Variants in VWA3B observed in about 807,000 individuals in gnomAD.
VWA3B encodes von Willebrand factor A domain containing 3B.
VWA3B carries 138 observed loss-of-function variants against 158.3 expected under a neutral mutation model. That is an observed-to-expected ratio of 0.87 (90% CI 0.76 to 1.00). VWA3B has a LOEUF of 1.00. Ranked by LOEUF, VWA3B falls within the 50% of genes least tolerant of loss-of-function variation. VWA3B has a pLI of 0.00. For synonymous variants in VWA3B, 596 were observed against 587.3 expected (o/e 1.01, Z -0.21); for missense variants, 1,555 against 1,565.1 (o/e 0.99, Z 0.11).
chr2:98,218,230 C>T (rs1443851516), intron 14 of VWA3B, among the ~76,000 whole-genome samples: 1 of 152,172 alleles, frequency 6.6e-6, no homozygotes, highest in East Asian at 1.9e-4. Context: ...TGAGCAGATT[C>T]CTGCATCCCA....
At chr2:98,277,142 A>G (rs1688575364) in intron 22 of VWA3B, among the ~76,000 whole-genome samples, 1 of 152,192 alleles carries the variant, frequency 6.6e-6, no homozygotes, top group South Asian at 2.1e-4. Context: ...GTTTCCACCT[A>G]TGTCCATAAT....
intron 8 of VWA3B, among the ~76,000 whole-genome samples, chr2:98,169,715 C>CTGTG (rs61535424): frequency 0.037 from 5,003 of 134,286 alleles, 119 homozygotes; most frequent in East Asian, 0.082. Context: ...CCTGGGCATT[C>CTGTG]TGTGTGTGTG....
chr2:98,290,441 C>A (rs1689417520), intron 22 of VWA3B, 70 bp from the exon 23 acceptor site: 1 of 1,142,840 alleles, frequency 8.8e-7, no homozygotes, highest in South Asian at 1.4e-5. Context: ...ACTAGGCTAC[C>A]CAGTATTTAT....
chr2:98,093,152 A>G lies in VWA3B; in HGVS notation c.60A>G (p.Gly20=), dbSNP rs1043863970. 5.6e-6 allele frequency: 9 copies of G among 1,613,970 alleles called. No individual in the cohort carries two copies. The African/African-American group carries it at 1.2e-4, about 22-fold the overall frequency. The change falls in exon 2 of 28, where the codon GGA becomes GGG. Residue 20 remains glycine, a synonymous_variant. Transcript: ENST00000477737. ...AGCAGCAGCTGCAGAGGCAAGAGGG[A>G]TGGATTAACACCAAAACAGACTTGG... The part of the protein sequence containing the change: ...ISEQQLQRQE[G]WINTKTDLAE...
At chr2:98,124,360 G>A (rs763186330) in intron 5 of VWA3B, among the ~76,000 whole-genome samples, 1 of 152,194 alleles carries the variant, frequency 6.6e-6, no homozygotes, top group African/African-American at 2.4e-5. Flanking sequence ...GATTGAACAG[G>A]TGAATTTGCT....
At chr2:98,308,327 A>G (rs527721578) in intron 26 of VWA3B, among the ~76,000 whole-genome samples, 2 of 152,320 alleles carry the variant, frequency 1.3e-5, no homozygotes, top group African/African-American at 4.8e-5. Context: ...ATGGAGGGAA[A>G]TAACTGCTCT....
chr2:98,102,309 C>T (rs2104857230), intron 2 of VWA3B, among the ~76,000 whole-genome samples: 1 of 152,294 alleles, frequency 6.6e-6, no homozygotes, highest in East Asian at 1.9e-4. Context: ...ATCTCTCTTT[C>T]TTTTCCCCAC....
chr2:98,187,684 G>GTA (rs1229558000), intron 9 of VWA3B, among the ~76,000 whole-genome samples: 2 of 151,532 alleles, frequency 1.3e-5, no homozygotes, highest in African/African-American at 4.9e-5. Context: ...GTGTGTGTGT[G>GTA]TGTGTGTGTG....
chr2:98,234,875 C>T (rs1685575158), intron 17 of VWA3B, 108 bp downstream of exon 17: 1 of 1,467,148 alleles, frequency 6.8e-7, no homozygotes, highest in Admixed American at 2.2e-5. Flanking sequence ...TTTAAATGGG[C>T]CCAGATTGCT....
chr2:98,157,904 G>A (rs961236724), intron 7 of VWA3B, among the ~76,000 whole-genome samples: 2 of 152,180 alleles, frequency 1.3e-5, no homozygotes, highest in African/African-American at 2.4e-5. Flanking sequence ...GATCAGCACC[G>A]CACCTGCCTA....
intron 8 of VWA3B, among the ~76,000 whole-genome samples, chr2:98,179,825 T>TCTTC (rs1680372093): frequency 6.8e-6 from 1 of 147,088 alleles, no homozygotes; most frequent in South Asian, 2.2e-4. Flanking sequence ...TTTCTTTCTT[T>TCTTC]CTTTTTCTTT....
At chr2:98,160,549 A>C (rs1036864885) in intron 7 of VWA3B, among the ~76,000 whole-genome samples, 1 of 152,142 alleles carries the variant, frequency 6.6e-6, no homozygotes, top group Non-Finnish European at 1.5e-5. Context: ...GTTTCCTCGG[A>C]ACTTTCTCCT....
At chr2:98,287,105 A>G (rs559137193) in intron 22 of VWA3B, among the ~76,000 whole-genome samples, 1 of 152,300 alleles carries the variant, frequency 6.6e-6, no homozygotes, top group South Asian at 2.1e-4. Flanking sequence ...AGAATGGAGA[A>G]TAAAAAGAGG....
chr2:98,193,155 C>A, intron 11 of VWA3B, 119 bp downstream of exon 11: 1 of 1,293,264 alleles, frequency 7.7e-7, no homozygotes, highest in Non-Finnish European at 1.1e-6. Flanking sequence ...GAGAAGTACT[C>A]CCTTTTGTTA....
chr2:98,134,114 A>T, intron 7 of VWA3B, 175 bp downstream of exon 7: 1 of 619,678 alleles, frequency 1.6e-6, no homozygotes, highest in Middle Eastern at 2.7e-4. Flanking sequence ...CAGCGTAGCA[A>T]CCAGGCATAA....
chr2:98,140,010 C>A (rs569689073), intron 7 of VWA3B, among the ~76,000 whole-genome samples: 3 of 152,034 alleles, frequency 2.0e-5, no homozygotes, highest in African/African-American at 7.2e-5. Context: ...CCGGGAGGAA[C>A]GAACAACTCC....
intron 22 of VWA3B, among the ~76,000 whole-genome samples, chr2:98,289,633 G>A (rs1325472593): frequency 3.3e-5 from 5 of 152,158 alleles, no homozygotes; most frequent in Admixed American, 1.3e-4. Flanking sequence ...TTGTCCTGAA[G>A]AGGTGGGCTG....
At chr2:98,217,819 C>T (rs1684154182) in intron 13 of VWA3B, 27 bp from the exon 14 acceptor site, 1 of 1,539,504 alleles carries the variant, frequency 6.5e-7, no homozygotes, top group East Asian at 2.4e-5. Context: ...ATCTCCCTTC[C>T]CCCATCCCCA....
At chr2:98,252,034 C>T (rs62156726) in intron 20 of VWA3B, among the ~76,000 whole-genome samples, 5,916 of 152,286 alleles carry the variant, frequency 0.039, 173 homozygotes, top group Middle Eastern at 0.075. Flanking sequence ...CCCAGCTCGG[C>T]TCCTCTCCGG....
Sources: gnomAD v4.1 joint callset for allele counts (sites outside exome capture counted in the v4.1 genomes callset) on GRCh38, gnomAD v4.1.1 for gene constraint, MANE v1.5 for transcripts, NCBI Gene and HGNC (gene_info 2026-07-23, HGNC 2026-07-21) for gene names.